Variants in ASTN2 observed in about 807,000 individuals in gnomAD.
ASTN2 encodes the protein astrotactin-2.
In ASTN2, 54 loss-of-function variants were observed where a neutral mutation model predicts 139.8. The ratio of observed to expected loss-of-function variants is 0.39; its 90% CI spans 0.31 to 0.48. The LOEUF is 0.48. Ranked by LOEUF, ASTN2 falls within the 20% of genes least tolerant of loss-of-function variation. The probability of loss-of-function intolerance (pLI) is 0.95; values close to 1 mark genes in which losing one functional copy is unlikely to be tolerated. For missense variants in ASTN2, 1,565 were observed against 1,725.1 expected (o/e 0.91, Z 1.64); for synonymous variants, 756 against 719.5 (o/e 1.05, Z -0.81).
At chr9:116,991,101 C>T (rs538831350) in intron 7 of ASTN2, among the ~76,000 whole-genome samples, 11 of 152,266 alleles carry the variant, frequency 7.2e-5, no homozygotes, top group South Asian at 2.1e-4. Context: ...CATTCAACAT[C>T]GTAGCCAAAA....
At chr9:116,610,066 A>C (rs189712897) in intron 19 of ASTN2, among the ~76,000 whole-genome samples, 2 of 152,172 alleles carry the variant, frequency 1.3e-5, no homozygotes, top group African/African-American at 4.8e-5. Context: ...TATTTAAAAA[A>C]AGAAAGATGA....
intron 10 of ASTN2, among the ~76,000 whole-genome samples, chr9:116,874,771 C>T (rs966648520): frequency 6.6e-6 from 1 of 152,138 alleles, no homozygotes; most frequent in African/African-American, 2.4e-5. Flanking sequence ...TTGCTCATTG[C>T]AGATATTATT....
intron 11 of ASTN2, among the ~76,000 whole-genome samples, chr9:116,859,977 C>T (rs1405630327): frequency 2.0e-5 from 3 of 152,228 alleles, no homozygotes; most frequent in African/African-American, 7.2e-5. Context: ...GCCAGCTGGC[C>T]TTAAATGACC....
intron 12 of ASTN2, 38 bp downstream of exon 12, chr9:116,820,579 G>A: frequency 6.3e-7 from 1 of 1,599,526 alleles, no homozygotes; most frequent in Non-Finnish European, 8.5e-7. Context: ...CCTCACTTCT[G>A]TAAATGGGGC....
At chr9:116,560,969 T>C (rs907570511) in intron 19 of ASTN2, among the ~76,000 whole-genome samples, 2 of 152,200 alleles carry the variant, frequency 1.3e-5, no homozygotes, top group Admixed American at 6.5e-5. Flanking sequence ...AATGTACATG[T>C]GTTGTTATGC....
At chr9:117,250,289 A>T (rs1283111673) in intron 2 of ASTN2, among the ~76,000 whole-genome samples, 1 of 152,194 alleles carries the variant, frequency 6.6e-6, no homozygotes, top group Non-Finnish European at 1.5e-5. Flanking sequence ...TTCTTTGCCC[A>T]TTGAGGCCCC....
rs138195386 is a variant in ASTN2, at chr9:117,384,189, T to C, written c.442+30308A>G. On this transcript the variant is annotated intron_variant, in intron 1 of 22. Coordinates refer to ENST00000313400, the MANE Select transcript of ASTN2 (RefSeq NM_001365068.1). ...GGAAGGTGAGCAGGCAGTGTGGCCATATAGGATTATGCTGGGTTGCCAAAG... is the reference window on the plus strand; with the variant it reads ...GGAAGGTGAGCAGGCAGTGTGGCCACATAGGATTATGCTGGGTTGCCAAAG... Among the ~76,000 whole-genome samples the C allele has an allele frequency of 6.2e-4, 95 of 152,246 alleles. 1 individual carries two copies. The highest frequency in any genetic ancestry group is 2.2e-3 in the African/African-American group (93 of 41,534).
chr9:116,766,766 A>C (rs922293009), intron 13 of ASTN2, among the ~76,000 whole-genome samples: 1 of 152,034 alleles, frequency 6.6e-6, no homozygotes, highest in Non-Finnish European at 1.5e-5. Flanking sequence ...ATAAACGCAC[A>C]TACATTCATA....
chr9:117,125,386 T>C lies in ASTN2; in HGVS notation c.1168+15940A>G, dbSNP rs145442580. 6.5e-3 allele frequency among the ~76,000 whole-genome samples: 985 copies of C among 152,346 alleles called. 10 individuals are homozygous for C. The highest frequency in any genetic ancestry group is 0.022 in the African/African-American group (929 of 41,570). Reference sequence around the variant, plus strand: ...GATATTAAAAAATATATATCTTCTTTGTGATCTGTTGCAGCTGCTCATATT... The same window carrying C: ...GATATTAAAAAATATATATCTTCTTCGTGATCTGTTGCAGCTGCTCATATT... On this transcript the variant is annotated intron_variant, in intron 4 of 22. Coordinates refer to ENST00000313400, the MANE Select transcript of ASTN2 (RefSeq NM_001365068.1).
chr9:117,357,908 T>C (rs537823127), intron 1 of ASTN2, among the ~76,000 whole-genome samples: 27 of 152,274 alleles, frequency 1.8e-4, no homozygotes, highest in Non-Finnish European at 3.7e-4. Flanking sequence ...AAGGCAAAGA[T>C]TGTAGAAACA....
chr9:117,033,616 G>C (rs977068322), intron 6 of ASTN2, among the ~76,000 whole-genome samples: 10 of 152,000 alleles, frequency 6.6e-5, no homozygotes, highest in Non-Finnish European at 8.8e-5. Flanking sequence ...TATCTGTCTA[G>C]TTTTGCTTCC....
chr9:116,889,009 C>T (rs1299145166), intron 10 of ASTN2, among the ~76,000 whole-genome samples: 1 of 152,116 alleles, frequency 6.6e-6, no homozygotes, highest in African/African-American at 2.4e-5. Flanking sequence ...CCATCCACGT[C>T]CCTGAAAAGG....
At chr9:117,010,025 T>C (rs553283897) in intron 6 of ASTN2, among the ~76,000 whole-genome samples, 2 of 152,064 alleles carry the variant, frequency 1.3e-5, no homozygotes, top group Non-Finnish European at 2.9e-5. Context: ...ATGCAATAAA[T>C]CCCTAAGTAA....
intron 19 of ASTN2, among the ~76,000 whole-genome samples, chr9:116,532,640 T>C (rs1851407744): frequency 6.6e-6 from 1 of 152,224 alleles, no homozygotes; most frequent in Admixed American, 6.5e-5. Context: ...ATTTCTTGTT[T>C]TTGTCAGGTT....
At chr9:117,030,196 T>C (rs1039688638) in intron 6 of ASTN2, among the ~76,000 whole-genome samples, 1 of 152,164 alleles carries the variant, frequency 6.6e-6, no homozygotes, top group African/African-American at 2.4e-5. Flanking sequence ...TATACACTAT[T>C]TGGCAAACCT....
intron 19 of ASTN2, among the ~76,000 whole-genome samples, chr9:116,541,616 T>C (rs1010733229): frequency 6.6e-6 from 1 of 152,184 alleles, no homozygotes; most frequent in African/African-American, 2.4e-5. Context: ...GATGAAACAC[T>C]GCACCAGATT....
At chr9:117,305,116 T>C (rs1834967475) in intron 1 of ASTN2, among the ~76,000 whole-genome samples, 1 of 152,176 alleles carries the variant, frequency 6.6e-6, no homozygotes, top group East Asian at 1.9e-4. Flanking sequence ...CATGACAGAA[T>C]GTTGTTCCCA....
chr9:116,468,370 G>A (rs1848713813), intron 20 of ASTN2, among the ~76,000 whole-genome samples: 1 of 152,170 alleles, frequency 6.6e-6, no homozygotes, highest in East Asian at 1.9e-4. Flanking sequence ...TTAGGAGAAA[G>A]TTTCCTGGTT....
chr9:116,600,249 G>A (rs907110784), intron 19 of ASTN2, among the ~76,000 whole-genome samples: 13 of 150,372 alleles, frequency 8.6e-5, no homozygotes, highest in South Asian at 6.3e-4. Context: ...GACTGAGCCC[G>A]GGAGATAGAG....
Sources: allele counts gnomAD v4.1 joint callset (sites outside exome capture counted in the v4.1 genomes callset), GRCh38; gene constraint gnomAD v4.1.1; transcripts MANE v1.5; gene names NCBI Gene and HGNC (gene_info 2026-07-23, HGNC 2026-07-21).